Variants in SORBS2 observed in about 807,000 individuals in gnomAD.
The protein encoded by SORBS2 is sorbin and SH3 domain-containing protein 2.
In SORBS2, 46 loss-of-function variants were observed where a neutral mutation model predicts 97.7. The ratio of observed to expected loss-of-function variants is 0.47; its 90% CI spans 0.37 to 0.60. The LOEUF (loss-of-function observed/expected upper bound fraction) is 0.60. Among genes scored for constraint, SORBS2 ranks in the 20% least tolerant of loss-of-function variants. SORBS2 has a pLI of 0.00. For missense variants in SORBS2, 1,316 were observed against 1,282.3 expected (o/e 1.03, Z -0.40); for synonymous variants, 476 against 473.4 (o/e 1.01, Z -0.07).
chr4:185,925,987 G>T (rs1283570072), intron 1 of SORBS2, among the ~76,000 whole-genome samples: 5 of 152,182 alleles, frequency 3.3e-5, no homozygotes, highest in Non-Finnish European at 7.3e-5. Flanking sequence ...CTGTGTGGGA[G>T]CGAAGGATTC....
At chr4:185,731,819 CCTGT>C (rs1244912056) in intron 2 of SORBS2, among the ~76,000 whole-genome samples, 2 of 94,094 alleles carry the variant, frequency 2.1e-5, no homozygotes, top group Admixed American at 2.4e-4. Flanking sequence ...TCCCTCCCTG[CCTGT>C]CTCTCTCTTT....
intron 2 of SORBS2, among the ~76,000 whole-genome samples, chr4:185,680,035 T>G (rs2097848411): frequency 6.6e-6 from 1 of 152,200 alleles, no homozygotes; most frequent in Admixed American, 6.5e-5. Context: ...TTATGATCAT[T>G]GATAACTTGG....
chr4:185,646,264 A>G (rs553104825), intron 4 of SORBS2: 3 of 154,670 alleles, frequency 1.9e-5, no homozygotes, highest in East Asian at 1.9e-4. Context: ...GCAATTAAGT[A>G]TTGCACTTAT....
intron 4 of SORBS2, among the ~76,000 whole-genome samples, chr4:185,637,762 C>A (rs2097045257): frequency 6.6e-6 from 1 of 152,056 alleles, no homozygotes; most frequent in Admixed American, 6.5e-5. Context: ...AGACTGTAAA[C>A]AAATACAAAT....
intron 2 of SORBS2, among the ~76,000 whole-genome samples, chr4:185,737,481 T>C (rs1313183802): frequency 6.6e-6 from 1 of 152,070 alleles, no homozygotes; most frequent in Admixed American, 6.5e-5. Context: ...TAAAATAAAG[T>C]GGGCAGTGGG....
At chr4:185,709,041 G>A (rs144130320) in intron 2 of SORBS2, among the ~76,000 whole-genome samples, 16 of 152,076 alleles carry the variant, frequency 1.1e-4, no homozygotes, top group East Asian at 3.9e-4. Context: ...TTTTTGAGAC[G>A]GAGTCTCGCT....
rs1294180880 is a variant in SORBS2 at position 185,623,394 on chromosome 4, C to T, written c.1735G>A (p.Glu579Lys). 5.6e-6 allele frequency: 9 copies of T among 1,612,002 alleles called. No homozygotes were observed. Among genetic ancestry groups the T allele is most frequent in the South Asian group, 2.2e-5 (2 of 91,080 alleles). Residue 579 changes from glutamate (E) to lysine (K), a missense_variant, in exon 7 of 15, where the codon GAA becomes AAA. By Grantham distance (56) the Glu-to-Lys change is moderately conservative (BLOSUM62 1). Coordinates refer to ENST00000418609, the Ensembl canonical transcript of SORBS2. This position sits in a 1 kb window ranked among gnomAD's most constrained non-coding sequence, Gnocchi z 6.4. The stretch of plus-strand genomic sequence containing the variant: ...TCGGTGTTTTCGTGTCTGGCTCTTT[C>T]GTGTTTTAACATTGTGGTAAATCGA...
exon 5 of SORBS2, chr4:185,662,228 C>T: frequency 6.2e-7 from 1 of 1,609,756 alleles, no homozygotes; most frequent in Non-Finnish European, 8.5e-7. Context: ...AGTTTCCATT[C>T]ACTGTTATCT....
chr4:185,798,884 C>G (rs2153655727), intron 1 of SORBS2, among the ~76,000 whole-genome samples: 1 of 152,296 alleles, frequency 6.6e-6, no homozygotes, highest in Admixed American at 6.5e-5. Context: ...TCTCCATTCC[C>G]ATTTTGGTTA....
At chr4:185,664,887 T>G (rs2097574525) in intron 4 of SORBS2, among the ~76,000 whole-genome samples, 1 of 152,104 alleles carries the variant, frequency 6.6e-6, no homozygotes, top group Non-Finnish European at 1.5e-5. Flanking sequence ...AAAATCTGAT[T>G]TTTTTGCCTG....
chr4:185,820,653 G>A (rs1017011512), intron 1 of SORBS2, among the ~76,000 whole-genome samples: 2 of 152,180 alleles, frequency 1.3e-5, no homozygotes, highest in Non-Finnish European at 2.9e-5. Context: ...TGCAGACAGC[G>A]TCTCAGCCGA....
intron 1 of SORBS2, among the ~76,000 whole-genome samples, chr4:185,897,566 TGTGA>T (rs1264590224): frequency 6.6e-6 from 1 of 152,214 alleles, no homozygotes; most frequent in East Asian, 1.9e-4. Context: ...ATCTGCCTTT[TGTGA>T]GTTGATTTTT....
At chr4:185,599,808 G>A (rs952627620) in intron 12 of SORBS2, among the ~76,000 whole-genome samples, 1 of 152,214 alleles carries the variant, frequency 6.6e-6, no homozygotes, top group Non-Finnish European at 1.5e-5. Flanking sequence ...CACATCACCA[G>A]GTGGTCGCTT....
At chr4:185,599,853 C>T (rs2096213661) in intron 12 of SORBS2, among the ~76,000 whole-genome samples, 1 of 152,088 alleles carries the variant, frequency 6.6e-6, no homozygotes, top group South Asian at 2.1e-4. Flanking sequence ...ACTTTAAGGC[C>T]AGTTCACAGC....
At chr4:185,692,790 A>C (rs916025481) in intron 2 of SORBS2, among the ~76,000 whole-genome samples, 5 of 127,812 alleles carry the variant, frequency 3.9e-5, no homozygotes, top group Non-Finnish European at 8.2e-5. Context: ...TGCTATATAC[A>C]CATGTATATG....
chr4:185,621,858 C>T (rs1014120496), intron 7 of SORBS2, among the ~76,000 whole-genome samples: 2 of 152,148 alleles, frequency 1.3e-5, no homozygotes, highest in African/African-American at 2.4e-5. Context: ...CCTTTCCTCT[C>T]TGGGCCCAAC....
chr4:185,908,662 G>A (rs1461059999), intron 1 of SORBS2, among the ~76,000 whole-genome samples: 7 of 151,844 alleles, frequency 4.6e-5, no homozygotes, highest in African/African-American at 1.7e-4. Flanking sequence ...TGAAATGAAT[G>A]AGTCCTTAAC....
At chr4:185,737,613 G>A (rs184022460) in intron 2 of SORBS2, among the ~76,000 whole-genome samples, 4 of 152,272 alleles carry the variant, frequency 2.6e-5, no homozygotes, top group Admixed American at 2.0e-4. Context: ...GTGGGGACCC[G>A]AGGGGTGGGG....
At chr4:185,595,501 G>T (rs892949470) in intron 12 of SORBS2, among the ~76,000 whole-genome samples, 1 of 151,926 alleles carries the variant, frequency 6.6e-6, no homozygotes, top group African/African-American at 2.4e-5. Context: ...TCATTGATAA[G>T]CCTGTATCAT....
Sources: allele counts gnomAD v4.1 joint callset (sites outside exome capture counted in the v4.1 genomes callset), GRCh38; gene constraint gnomAD v4.1.1; non-coding constraint Gnocchi (gnomAD v3.1); transcripts MANE v1.5; gene names NCBI Gene and HGNC (gene_info 2026-07-23, HGNC 2026-07-21).